Variants in CLUL1 observed in about 807,000 individuals in gnomAD.
CLUL1 encodes clusterin like 1, also known as clusterin-like protein 1.
A neutral mutation model predicts 49.4 loss-of-function variants in CLUL1; 43 were observed. That is an observed-to-expected ratio of 0.87 (90% CI 0.68 to 1.12). The LOEUF is 1.12. Among genes scored for constraint, CLUL1 ranks in the 50% most tolerant of loss-of-function variants. The pLI, the probability that CLUL1 is intolerant of heterozygous loss-of-function variation, is 0.00. For synonymous variants in CLUL1, 192 were observed against 184.9 expected, an observed-to-expected ratio of 1.04 and a Z score of -0.31; for missense variants, 486 against 544.4, an observed-to-expected ratio of 0.89 and a Z score of 1.07.
chr18:621,402 C>T (rs762926250), intron 4 of CLUL1, among the ~76,000 whole-genome samples: 2 of 152,186 alleles, frequency 1.3e-5, no homozygotes, highest in Non-Finnish European at 2.9e-5. Context: ...GATGTTGCAG[C>T]CTCACCTACT....
rs965025110 is a variant in CLUL1, at chr18:618,179, G to A, written c.106+73G>A. Reference sequence around the variant, plus strand: ...GTCCTGCTGGCGTTTATAGTGAGTCGCAGTTGAGAGATAACCATATTCGCT... The same window carrying A: ...GTCCTGCTGGCGTTTATAGTGAGTCACAGTTGAGAGATAACCATATTCGCT... On this transcript the variant is annotated intron_variant, in intron 3 of 9. Transcript: ENST00000692774. This position sits in a 1 kb window ranked among gnomAD's most constrained non-coding sequence, Gnocchi z 4.2. 1.1e-5 allele frequency: 12 copies of A among 1,099,156 alleles called. 1 individual carries two copies. Among genetic ancestry groups the A allele is most frequent in the Admixed American group, 3.7e-5 (2 of 53,578 alleles). The allele number at this position is 1,099,156 out of a possible 1,614,324, so 68.1% of individuals were successfully genotyped here.
intron 7 of CLUL1, among the ~76,000 whole-genome samples, chr18:636,157 A>G (rs1470563936): frequency 4.6e-5 from 7 of 152,228 alleles, no homozygotes; most frequent in African/African-American, 7.2e-5. Flanking sequence ...GATGATTTTT[A>G]AAAATACTTC....
chr18:606,385 GAACCTACTGGCC>G lies in CLUL1; in HGVS notation c.-135-591_-135-580del, dbSNP rs1170110872. 6.6e-6 allele frequency among the ~76,000 whole-genome samples: 1 copy of G among 152,200 alleles called. No homozygotes were observed. The highest frequency in any genetic ancestry group is 1.5e-5 in the Non-Finnish European group (1 of 68,034). On this transcript the variant is annotated intron_variant, in intron 1 of 9. Transcript: ENST00000692774. The surrounding 1 kb of genome is among the most constrained non-coding windows in gnomAD (Gnocchi z 4.1). ...CCATGTCACCAACCTTTCTCTGAGGGAACCTACTGGCCACCTCCCTCTTAGGACCAGCCCATC... is the reference window on the plus strand; with the variant it reads ...CCATGTCACCAACCTTTCTCTGAGGGACCTCCCTCTTAGGACCAGCCCATC...
At chr18:648,556 A>G (rs2074583088) in intron 9 of CLUL1, among the ~76,000 whole-genome samples, 1 of 152,148 alleles carries the variant, frequency 6.6e-6, no homozygotes, top group African/African-American at 2.4e-5. Context: ...ACTTGTTTAG[A>G]GGTTATTAAC....
chr18:640,458 A>T (rs1283734145), intron 7 of CLUL1, among the ~76,000 whole-genome samples: 3 of 150,110 alleles, frequency 2.0e-5, no homozygotes, highest in African/African-American at 7.3e-5. Flanking sequence ...AAATGCAGCC[A>T]TTTTTTTTTT....
chr18:603,823 C>G (rs1336859528), intron 1 of CLUL1, among the ~76,000 whole-genome samples: 2 of 152,178 alleles, frequency 1.3e-5, no homozygotes, highest in Non-Finnish European at 2.9e-5. Flanking sequence ...CTGTTCATCT[C>G]TATAATTATT....
chr18:620,055 C>T (rs1446732148), intron 4 of CLUL1, among the ~76,000 whole-genome samples: 1 of 152,108 alleles, frequency 6.6e-6, no homozygotes, highest in Admixed American at 6.6e-5. Flanking sequence ...AATTTGTTAC[C>T]ACTCACTCCT....
intron 5 of CLUL1, among the ~76,000 whole-genome samples, 194 bp from the exon 6 acceptor site, chr18:626,901 AAG>A (rs1567966427): frequency 8.3e-4 from 1 of 1,210 alleles, no homozygotes; most frequent in Non-Finnish European, 0.036. Context: ...GAAAGAAAGA[AAG>A]AAAGAAAGAA....
At chr18:617,360 C>T (rs1259538291) in intron 2 of CLUL1, among the ~76,000 whole-genome samples, 1 of 151,888 alleles carries the variant, frequency 6.6e-6, no homozygotes, top group Admixed American at 6.6e-5. Flanking sequence ...TTTGGGAGGC[C>T]GAGGGGGGCG....
At chr18:620,592 T>C (rs1451991245) in intron 4 of CLUL1, among the ~76,000 whole-genome samples, 5 of 152,228 alleles carry the variant, frequency 3.3e-5, no homozygotes, top group Admixed American at 2.6e-4. Flanking sequence ...ACACACAGTA[T>C]CTGACATATG....
chr18:625,144 G>C, intron 5 of CLUL1, 112 bp downstream of exon 5: 1 of 1,076,482 alleles, frequency 9.3e-7, no homozygotes, highest in Non-Finnish European at 1.3e-6. Flanking sequence ...TCTGATAGGG[G>C]CCTTTTGCTT....
intron 2 of CLUL1, among the ~76,000 whole-genome samples, chr18:616,411 A>G (rs1231230006): frequency 6.6e-6 from 1 of 152,218 alleles, no homozygotes; most frequent in African/African-American, 2.4e-5. Flanking sequence ...TCAATCTAAG[A>G]GACTAATTTT....
At chr18:648,256 T>C (rs1285435524) in intron 9 of CLUL1, among the ~76,000 whole-genome samples, 2 of 152,180 alleles carry the variant, frequency 1.3e-5, no homozygotes, top group African/African-American at 2.4e-5. Flanking sequence ...CATCTATCTC[T>C]TCCCAGTTGT....
chr18:606,764 A>T lies in CLUL1; in HGVS notation c.-135-214A>T, dbSNP rs999639020. ...TAATAAAACGTAAAACAACAAACAT[A>T]TACACACAAACAAAAATAAACGTGA... On this transcript the variant is annotated intron_variant, in intron 1 of 9. Transcript: ENST00000692774. This position sits in a 1 kb window ranked among gnomAD's most constrained non-coding sequence, Gnocchi z 4.1. Among the ~76,000 whole-genome samples, 6 of 152,168 alleles carry T rather than the reference A, an allele frequency of 3.9e-5. No homozygotes were observed. Among genetic ancestry groups the T allele is most frequent in the African/African-American group, 1.4e-4 (6 of 41,446 alleles).
chr18:615,275 C>T lies in CLUL1; in HGVS notation c.-13-2713C>T, dbSNP rs376736513. 3.5e-4 allele frequency among the ~76,000 whole-genome samples: 53 copies of T among 152,126 alleles called. 3 individuals carry two copies. The South Asian group carries it at 0.011, about 30-fold the overall frequency. On this transcript the variant is annotated intron_variant, in intron 2 of 9. Coordinates refer to ENST00000692774, the MANE Select transcript of CLUL1 (RefSeq NM_001393344.1). ...AGAGGAAGAGCCTTTTTGGAAGCTT[C>T]GAGATATTTTCAAAGTAATTAGTAC...
At position 645,059 on chromosome 18, in the gene CLUL1, A is replaced by G. The variant is rs763430473; in HGVS notation, c.1359A>G (p.Ala453=). Residue 453 remains alanine (A), a synonymous_variant, in exon 9 of 10, where the codon GCA becomes GCG. Coordinates refer to ENST00000692774, the MANE Select transcript of CLUL1 (RefSeq NM_001393344.1). ...ESSNFIGYVV[A]KALQHFKEHF... is the part of the protein sequence containing the mutation. ...CTAACTTCATTGGCTACGTAGTGGCAAAAGCTCTACAGCATTTTAAGGAAC... is the reference window on the plus strand; with the variant it reads ...CTAACTTCATTGGCTACGTAGTGGCGAAAGCTCTACAGCATTTTAAGGAAC... The G allele has an allele frequency of 2.4e-5, 38 of 1,610,644 alleles. No individual in the cohort carries two copies. In the Admixed American group the frequency reaches 6.4e-4, roughly 27 times the overall value.
At chr18:598,301 A>G in intron 1 of CLUL1, 1 of 367,048 alleles carries the variant, frequency 2.7e-6, no homozygotes, top group Non-Finnish European at 4.8e-6. Context: ...AATCACTTAA[A>G]CTTTGCGTGA....
At position 632,476 on chromosome 18, in the gene CLUL1, AAATT is replaced by A. The variant is rs1386771711; in HGVS notation, c.857-816_857-813del. On this transcript the variant is annotated intron_variant, in intron 6 of 9. Transcript: ENST00000692774. Reference sequence around the variant, plus strand: ...AACTTCTTCCCAATTATAGCTTTAAAAATTAATTATTAAAGAGTTTTTTAAAATA... The same window carrying A: ...AACTTCTTCCCAATTATAGCTTTAAAAATTATTAAAGAGTTTTTTAAAATA... Among the ~76,000 whole-genome samples, 7 of 152,216 alleles carry A rather than the reference AAATT, an allele frequency of 4.6e-5. No individual in the cohort carries two copies. In the East Asian group the frequency reaches 1.3e-3, roughly 29 times the overall value.
chr18:613,516 G>GCTAT (rs1567958442), intron 2 of CLUL1, among the ~76,000 whole-genome samples: 4 of 149,316 alleles, frequency 2.7e-5, no homozygotes, highest in Non-Finnish European at 5.9e-5. Flanking sequence ...GTGCAGTGAC[G>GCTAT]CTATCTCAGC....
Sources: gnomAD v4.1 joint callset for allele counts (sites outside exome capture counted in the v4.1 genomes callset) on GRCh38, gnomAD v4.1.1 for gene constraint, Gnocchi (gnomAD v3.1) non-coding constraint, MANE v1.5 for transcripts, NCBI Gene and HGNC (gene_info 2026-07-23, HGNC 2026-07-21) for gene names.